Variants in URAD observed in about 807,000 individuals in gnomAD.
URAD encodes the protein putative 2-oxo-4-hydroxy-4-carboxy-5-ureidoimidazoline decarboxylase.
URAD carries 4 observed loss-of-function variants against 4.6 expected under a neutral mutation model. That is an observed-to-expected ratio of 0.87 (90% CI 0.43 to 1.98). The LOEUF is 1.98. Among genes scored for constraint, URAD ranks in the 30% most tolerant of loss-of-function variants. The probability of loss-of-function intolerance (pLI) is 0.03; values close to 1 mark genes in which losing one functional copy is unlikely to be tolerated. For missense variants in URAD, 300 were observed against 255.3 expected, an observed-to-expected ratio of 1.18 and a Z score of -1.19; for synonymous variants, 144 against 118.2, an observed-to-expected ratio of 1.22 and a Z score of -1.41.
chr13:27,983,249 A>T lies in URAD; in HGVS notation c.176-4797T>A, dbSNP rs776375870. On this transcript the variant is annotated intron_variant, in intron 1 of 1. Coordinates refer to ENST00000332715, the MANE Select transcript of URAD (RefSeq NM_001105577.2). Reference sequence around the variant, plus strand: ...TGCTTTTTTTTTGTTTTTGTTTTTGAGACAGAGTCCCATCCTGTCACCCAG... The same window carrying T: ...TGCTTTTTTTTTGTTTTTGTTTTTGTGACAGAGTCCCATCCTGTCACCCAG... Among the ~76,000 whole-genome samples, 137 of 151,700 alleles carry T rather than the reference A, an allele frequency of 9.0e-4. 3 individuals carry two copies. Among genetic ancestry groups the T allele is most frequent in the Non-Finnish European group, 2.9e-5 (2 of 67,908 alleles).
At chr13:27,980,622 T>C (rs1327653348) in intron 1 of URAD, among the ~76,000 whole-genome samples, 1 of 152,096 alleles carries the variant, frequency 6.6e-6, no homozygotes, top group Non-Finnish European at 1.5e-5. Context: ...TCCCCACCGT[T>C]GCATGCTGTC....
rs776971705 is a variant in URAD, at chr13:27,978,249, C to A, written c.379G>T (p.Asp127Tyr). 10 of 1,446,894 alleles carry A rather than the reference C, an allele frequency of 6.9e-6. No homozygotes were observed. Among genetic ancestry groups the A allele is most frequent in the African/African-American group, 1.5e-5 (1 of 67,460 alleles). 89.6% of individuals were successfully genotyped at this position (1,446,894 alleles called of 1,614,324 possible). Residue 127 changes from aspartate to tyrosine, a missense_variant, in exon 2 of 2, where the codon GAC (aspartate) becomes TAC (tyrosine). Physicochemically the swap from Asp to Tyr is radical, Grantham distance 160. Transcript: ENST00000332715. ...AGCTCGCGCGGCACCGCCGTCCGGT[C>A]GCTGAAGCGCGCGGCGAGCACGAAG... ...FPFVLAARFSDRTAVPRELAR... is the reference protein window; with the variant it reads ...FPFVLAARFSYRTAVPRELAR...
In URAD at chr13:27,988,538, A is replaced by G; in HGVS notation, c.100T>C (p.Ser34Pro). The change falls in exon 1 of 2, where the codon TCC becomes CCC. Residue 34 changes from serine (S) to proline (P), a missense_variant. Ser to Pro is a moderately conservative substitution (Grantham distance 74). Coordinates refer to ENST00000332715, the MANE Select transcript of URAD (RefSeq NM_001105577.2). ...RCPLIAAAVW[S>P]QRPFSDLEDL... ...TCCAAATCAGAGAATGGCCGCTGGG[A>G]CCAAACAGCAGCTGCAATCAGAGGA... 6.2e-7 allele frequency: 1 copy of G among 1,613,950 alleles called. No homozygotes were observed. The highest frequency in any genetic ancestry group is 1.1e-5 in the South Asian group (1 of 91,072).
In URAD at chr13:27,978,098, C is replaced by A; in HGVS notation, c.*8G>T. The A allele has an allele frequency of 6.8e-7, 1 of 1,478,772 alleles. No individual in the cohort carries two copies. Among genetic ancestry groups the A allele is most frequent in the Non-Finnish European group, 8.8e-7 (1 of 1,129,954 alleles). The allele number at this position is 1,478,772 out of a possible 1,614,324, so 91.6% of individuals were successfully genotyped here. The stretch of plus-strand genomic sequence containing the variant: ...TTGTGCGTCCCGGGTCCCTGGCCCG[C>A]GCGGCAGCTACAGCTTGGCGGGGTC... On this transcript the variant is annotated 3_prime_UTR_variant, in exon 2 of 2. Coordinates refer to ENST00000332715, the MANE Select transcript of URAD (RefSeq NM_001105577.2).
chr13:27,978,200 G>A lies in URAD; in HGVS notation c.428C>T (p.Ser143Phe). The change falls in exon 2 of 2, where the codon TCC becomes TTC. Residue 143 changes from serine (S) to phenylalanine (F), a missense_variant. Coordinates refer to ENST00000332715, the MANE Select transcript of URAD (RefSeq NM_001105577.2). ...RELARRLLCP[S>F]AQELRTALGE... Reference sequence around the variant, plus strand: ...CAGAGCAGTGCGCAGCTCCTGCGCGGACGGGCAGAGCAGCCGGCGCGCCAG... The same window carrying A: ...CAGAGCAGTGCGCAGCTCCTGCGCGAACGGGCAGAGCAGCCGGCGCGCCAG... The A allele has an allele frequency of 6.7e-7, 1 of 1,497,484 alleles. No individual in the cohort carries two copies. The highest frequency in any genetic ancestry group is 8.8e-7 in the Non-Finnish European group (1 of 1,135,556). 92.8% of individuals were successfully genotyped at this position (1,497,484 alleles called of 1,614,324 possible).
chr13:27,982,018 G>C (rs1263267801), intron 1 of URAD, among the ~76,000 whole-genome samples: 1 of 152,066 alleles, frequency 6.6e-6, no homozygotes, highest in East Asian at 1.9e-4. Flanking sequence ...TCGAGCCACT[G>C]TACCAACTGA....
chr13:27,983,783 C>T (rs933248216), intron 1 of URAD, among the ~76,000 whole-genome samples: 1 of 152,138 alleles, frequency 6.6e-6, no homozygotes. Flanking sequence ...TTCCCAGTGC[C>T]CACAACAATC....
chr13:27,986,885 G>T (rs1870043907), intron 1 of URAD, among the ~76,000 whole-genome samples: 1 of 152,162 alleles, frequency 6.6e-6, no homozygotes, highest in Non-Finnish European at 1.5e-5. Context: ...GCTGGGACTG[G>T]GCTGTCCCTG....
At chr13:27,984,288 C>A (rs1165449877) in intron 1 of URAD, among the ~76,000 whole-genome samples, 1 of 152,216 alleles carries the variant, frequency 6.6e-6, no homozygotes, top group Non-Finnish European at 1.5e-5. Context: ...TCCTGAATTT[C>A]TTCAGTTAGT....
chr13:27,988,341 C>T (rs1453866209), intron 1 of URAD, 122 bp downstream of exon 1: 6 of 979,016 alleles, frequency 6.1e-6, no homozygotes, highest in Non-Finnish European at 8.7e-6. Context: ...ATCCTCCCAT[C>T]TCAGCCTCCC....
chr13:27,978,404 A>G lies in URAD; in HGVS notation c.224T>C (p.Leu75Pro). ...CTCGGCCGTGAGCGTGCCCCGCTGC[A>G]GCTCGCTGCCCGCCAGGTCCGGGTG... ...RCHPDLAGSE[L>P]QRGTLTAESQ... Residue 75 changes from leucine to proline, a missense_variant, in exon 2 of 2, where the codon CTG (leucine) becomes CCG (proline). Physicochemically the swap from Leu to Pro is moderately conservative, Grantham distance 98 (BLOSUM62 -3). Coordinates refer to ENST00000332715, the MANE Select transcript of URAD (RefSeq NM_001105577.2). The G allele has an allele frequency of 7.2e-7, 1 of 1,396,156 alleles. No individual in the cohort carries two copies. Among genetic ancestry groups the G allele is most frequent in the Non-Finnish European group, 9.3e-7 (1 of 1,080,320 alleles). 86.5% of individuals were successfully genotyped at this position (1,396,156 alleles called of 1,614,324 possible).
rs1184274894 is a variant in URAD, at chr13:27,978,374, T to C, written c.254A>G (p.Gln85Arg). The change falls in exon 2 of 2, where the codon CAG becomes CGG. Residue 85 changes from glutamine (Q) to arginine (R), a missense_variant. Physicochemically the swap from Gln to Arg is conservative, Grantham distance 43 (BLOSUM62 1). Transcript: ENST00000332715. The part of the protein sequence containing the change: ...LQRGTLTAES[Q>R]REQSGAGLRS... ...CAGGCCTGCGCCGCTCTGTTCCCGC[T>C]GCGACTCGGCCGTGAGCGTGCCCCG... 3.6e-6 allele frequency: 5 copies of C among 1,402,404 alleles called. No homozygotes were observed. In the African/African-American group the frequency reaches 6.1e-5, roughly 17 times the overall value. The allele number at this position is 1,402,404 out of a possible 1,614,324, so 86.9% of individuals were successfully genotyped here. A position where few individuals can be genotyped will look rare whatever the true frequency, so the allele number is the denominator to read the frequency against.
chr13:27,978,421 G>T lies in URAD; in HGVS notation c.207C>A (p.Asp69Glu), dbSNP rs1385401450. 2.2e-6 allele frequency: 3 copies of T among 1,377,398 alleles called. No individual in the cohort carries two copies. Among genetic ancestry groups the T allele is most frequent in the African/African-American group, 1.5e-5 (1 of 65,780 alleles). The allele number at this position is 1,377,398 out of a possible 1,614,324, so 85.3% of individuals were successfully genotyped here. A position where few individuals can be genotyped will look rare whatever the true frequency, so the allele number is the denominator to read the frequency against. The change falls in exon 2 of 2, where the codon GAC (aspartate) becomes GAA (glutamate). Residue 69 changes from aspartate (D) to glutamate (E), a missense_variant. By Grantham distance (45) the Asp-to-Glu change is conservative. Coordinates refer to ENST00000332715, the MANE Select transcript of URAD (RefSeq NM_001105577.2). ...GQEGILRCHP[D>E]LAGSELQRGT... ...CCCGCTGCAGCTCGCTGCCCGCCAG[G>T]TCCGGGTGGCAGCGCAGGATGCCCT... is the stretch of plus-strand genomic sequence containing the variant.
In URAD at chr13:27,978,067, G is replaced by C. The variant is rs758370532; in HGVS notation, c.*39C>G. 1.4e-6 allele frequency: 2 copies of C among 1,409,836 alleles called. No homozygotes were observed. The highest frequency in any genetic ancestry group is 1.5e-5 in the South Asian group (1 of 65,256). 87.3% of individuals were successfully genotyped at this position (1,409,836 alleles called of 1,614,324 possible). ...CAGCTCCGGGCCGTGGCCCCCGCGC[G>C]TCCGGTTGTGCGTCCCGGGTCCCTG... On this transcript the variant is annotated 3_prime_UTR_variant, in exon 2 of 2. Transcript: ENST00000332715.
chr13:27,984,551 C>T (rs1869963257), intron 1 of URAD, among the ~76,000 whole-genome samples: 1 of 152,172 alleles, frequency 6.6e-6, no homozygotes, highest in Admixed American at 6.5e-5. Context: ...TCTTCAGTCA[C>T]CAAAACAAAT....
chr13:27,978,534 C>A (rs1869786826), intron 1 of URAD, 82 bp from the exon 2 acceptor site: 3 of 1,106,028 alleles, frequency 2.7e-6, no homozygotes, highest in African/African-American at 1.6e-5. Flanking sequence ...GCGTAGGCCG[C>A]GCCCGGCCCC....
chr13:27,987,927 T>TAGATAGAC (rs1224996288), intron 1 of URAD, among the ~76,000 whole-genome samples: 1 of 131,292 alleles, frequency 7.6e-6, no homozygotes, highest in Non-Finnish European at 1.7e-5. Flanking sequence ...GATAGATAGA[T>TAGATAGAC]AGATAGATTT....
At chr13:27,987,088 G>A (rs1304516153) in intron 1 of URAD, among the ~76,000 whole-genome samples, 1 of 152,192 alleles carries the variant, frequency 6.6e-6, no homozygotes, top group African/African-American at 2.4e-5. Flanking sequence ...TCCTTATTTT[G>A]GAGACGTCTG....
intron 1 of URAD, among the ~76,000 whole-genome samples, chr13:27,981,387 C>T (rs1178439857): frequency 1.3e-5 from 2 of 152,186 alleles, no homozygotes; most frequent in Non-Finnish European, 2.9e-5. Context: ...GCCAGTCAGA[C>T]AGCCCGTGGT....
Sources: allele counts gnomAD v4.1 joint callset (sites outside exome capture counted in the v4.1 genomes callset), GRCh38; gene constraint gnomAD v4.1.1; transcripts MANE v1.5; gene names NCBI Gene and HGNC (gene_info 2026-07-23, HGNC 2026-07-21).